Variants in ASTE1 observed in about 807,000 individuals in gnomAD.
ASTE1 encodes asteroid structure-specific endonuclease 1, also known as single-strand DNA endonuclease ASTE1.
In ASTE1, 49 loss-of-function variants were observed where a neutral mutation model predicts 45.8. The ratio of observed to expected loss-of-function variants is 1.07; its 90% CI spans 0.85 to 1.36. The LOEUF is 1.36. Among genes scored for constraint, ASTE1 ranks in the 40% most tolerant of loss-of-function variants. ASTE1 has a pLI of 0.00. For synonymous variants in ASTE1, 296 were observed against 303.9 expected (o/e 0.97, Z 0.27); for missense variants, 709 against 804.0 (o/e 0.88, Z 1.43).
rs775014772 is a variant in ASTE1 at position 131,014,337 on chromosome 3, G to A, written c.1760C>T (p.Ser587Leu). The change falls in exon 6 of 6, where the codon TCG becomes TTG. Residue 587 changes from serine to leucine, a missense_variant. Coordinates refer to ENST00000264992, the MANE Select transcript of ASTE1 (RefSeq NM_014065.4). The stretch of plus-strand genomic sequence containing the variant: ...GCTCAGGAGACTTTCTACAGAGGTC[G>A]ATGCTAGCAGTTGCTGGCATAGTCC... Reference protein sequence around the residue: ...VHGLCQQLLASTSVESLLSIC... With the variant: ...VHGLCQQLLALTSVESLLSIC... 2.2e-5 allele frequency: 35 copies of A among 1,612,254 alleles called. No individual in the cohort carries two copies. The South Asian group carries it at 3.5e-4, about 16-fold the overall frequency.
At chr3:131,019,418 C>T (rs1296338368) in intron 3 of ASTE1, among the ~76,000 whole-genome samples, 3 of 152,148 alleles carry the variant, frequency 2.0e-5, no homozygotes, top group African/African-American at 4.8e-5. Context: ...TGGAGTAACA[C>T]GCCATACTTT....
chr3:131,017,093 A>T (rs1212402860), intron 4 of ASTE1: 1 of 1,265,548 alleles, frequency 7.9e-7, no homozygotes, highest in East Asian at 5.6e-5. Flanking sequence ...CTTCTCTTGG[A>T]CTCAGGTAAA....
At chr3:131,016,799 A>G (rs773687927) in intron 4 of ASTE1, 60 of 370,042 alleles carry the variant, frequency 1.6e-4, no homozygotes, top group Non-Finnish European at 2.8e-4. Flanking sequence ...GGAGGAAGCT[A>G]AAGTATGACT....
rs546201275 is a variant in ASTE1 at position 131,021,036 on chromosome 3, A to G, written c.1303-2320T>C. ...ATCTAAATGTGAACAGCAAAAAAACATTTTCATGACCGTGGAGTAGGCAGT... is the reference window on the plus strand; with the variant it reads ...ATCTAAATGTGAACAGCAAAAAAACGTTTTCATGACCGTGGAGTAGGCAGT... On this transcript the variant is annotated intron_variant, in intron 3 of 5. Transcript: ENST00000264992. 5.6e-4 allele frequency among the ~76,000 whole-genome samples: 86 copies of G among 152,328 alleles called. No individual in the cohort carries two copies. In the Middle Eastern group the frequency reaches 0.014, roughly 24 times the overall value.
At chr3:131,022,209 AATT>A (rs1319529545) in intron 3 of ASTE1, among the ~76,000 whole-genome samples, 2 of 152,178 alleles carry the variant, frequency 1.3e-5, no homozygotes, top group African/African-American at 4.8e-5. Flanking sequence ...ATGTTTATGG[AATT>A]ATTATAAGAA....
At chr3:131,021,640 G>A (rs993703741) in intron 3 of ASTE1, among the ~76,000 whole-genome samples, 9 of 152,154 alleles carry the variant, frequency 5.9e-5, no homozygotes, top group African/African-American at 2.2e-4. Context: ...AATTTATCAT[G>A]CTGTACGATT....
rs2063911583 is a variant in ASTE1, at chr3:131,026,690, G to C, written c.-330C>G. The C allele has an allele frequency of 6.6e-6, 1 of 152,338 alleles. No individual in the cohort carries two copies. The highest frequency in any genetic ancestry group is 1.5e-5 in the Non-Finnish European group (1 of 68,162). 9.4% of individuals were successfully genotyped at this position (152,338 alleles called of 1,614,324 possible). A position where few individuals can be genotyped will look rare whatever the true frequency, so the allele number is the denominator to read the frequency against. The stretch of plus-strand genomic sequence containing the variant: ...ACTGAGCCAAGGAGCAGGTGTTCTC[G>C]GGCCCAGAGGCGCTAAGTAGCTAAA... On this transcript the variant is annotated 5_prime_UTR_variant, in exon 1 of 6. Coordinates refer to ENST00000264992, the MANE Select transcript of ASTE1 (RefSeq NM_014065.4).
At chr3:131,023,202 G>A (rs896371858) in intron 3 of ASTE1, among the ~76,000 whole-genome samples, 26 of 152,158 alleles carry the variant, frequency 1.7e-4, no homozygotes, top group African/African-American at 6.3e-4. Flanking sequence ...CTGGTGCCAC[G>A]TGTGGTCTGT....
At chr3:131,025,835 T>A (rs764974433) in intron 1 of ASTE1, among the ~76,000 whole-genome samples, 1 of 152,250 alleles carries the variant, frequency 6.6e-6, no homozygotes, top group Non-Finnish European at 1.5e-5. Context: ...TTCTTTTGTA[T>A]TGACAATCAG....
intron 4 of ASTE1, 105 bp downstream of exon 4, chr3:131,018,401 A>T (rs2063695210): frequency 1.8e-6 from 2 of 1,107,368 alleles, no homozygotes; most frequent in Non-Finnish European, 2.7e-6. Context: ...TGATACAATT[A>T]ATGGGAGTAA....
At chr3:131,014,504 T>C in intron 5 of ASTE1, 117 bp from the exon 6 acceptor site, 3 of 953,466 alleles carry the variant, frequency 3.1e-6, no homozygotes, top group Non-Finnish European at 4.5e-6. Context: ...TATTGCTCTA[T>C]AATATTATCG....
intron 4 of ASTE1, chr3:131,016,996 C>T: frequency 7.8e-7 from 1 of 1,289,330 alleles, no homozygotes; most frequent in Non-Finnish European, 1.0e-6. Flanking sequence ...CCACCTTTTA[C>T]CAACTAGCGA....
At chr3:131,020,445 A>G (rs1456280438) in intron 3 of ASTE1, among the ~76,000 whole-genome samples, 3 of 152,192 alleles carry the variant, frequency 2.0e-5, no homozygotes, top group Non-Finnish European at 4.4e-5. Flanking sequence ...CTTAAGAATG[A>G]TCCACTTTTG....
intron 3 of ASTE1, among the ~76,000 whole-genome samples, chr3:131,022,457 G>A (rs1216377630): frequency 6.6e-6 from 1 of 151,568 alleles, no homozygotes; most frequent in African/African-American, 2.4e-5. Flanking sequence ...TCAGCCTCTT[G>A]AGTAGCTGTA....
At chr3:131,018,906 G>C (rs1236447308) in intron 3 of ASTE1, among the ~76,000 whole-genome samples, 190 bp from the exon 4 acceptor site, 1 of 152,120 alleles carries the variant, frequency 6.6e-6, no homozygotes, top group African/African-American at 2.4e-5. Context: ...TATAAATATG[G>C]TTGGTTGAAT....
chr3:131,018,588 C>A lies in ASTE1; in HGVS notation c.1431G>T (p.Glu477Asp), dbSNP rs778047224. The change falls in exon 4 of 6, where the codon GAG becomes GAT. Residue 477 changes from glutamate to aspartate, a missense_variant. Glu to Asp is a conservative substitution (Grantham distance 45). Transcript: ENST00000264992. ...AVSCYWLQHT[E>D]TKAKLHHLQS... ...GTAGATGATGTAGCTTTGCTTTGGTCTCGGTGTGCTGCAACCAGTAGCAAC... is the reference window on the plus strand; with the variant it reads ...GTAGATGATGTAGCTTTGCTTTGGTATCGGTGTGCTGCAACCAGTAGCAAC... 4.8e-5 allele frequency: 78 copies of A among 1,613,916 alleles called. No individual in the cohort carries two copies. The highest frequency in any genetic ancestry group is 5.5e-5 in the Non-Finnish European group (65 of 1,180,028).
intron 3 of ASTE1, among the ~76,000 whole-genome samples, chr3:131,019,769 A>G (rs3773816): frequency 0.18 from 28,037 of 152,214 alleles, 2,700 homozygotes; most frequent in Middle Eastern, 0.22. Flanking sequence ...GACTAAAGAT[A>G]TTAACCTGAA....
intron 3 of ASTE1, among the ~76,000 whole-genome samples, chr3:131,020,627 C>CT (rs1227436412): frequency 5.9e-5 from 9 of 152,126 alleles, no homozygotes; most frequent in Non-Finnish European, 8.8e-5. Flanking sequence ...ATTACAAGAT[C>CT]TAAAAAACAA....
Position 131,025,130 on chromosome 3 carries a change from A to G in ASTE1, c.177T>C (p.Val59=). The G allele has an allele frequency of 6.2e-7, 1 of 1,614,168 alleles. No homozygotes were observed. Among genetic ancestry groups the G allele is most frequent in the Non-Finnish European group, 8.5e-7 (1 of 1,179,988 alleles). The stretch of plus-strand genomic sequence containing the variant: ...ACAGTGATTCAAAGAATTTTTGTAC[A>G]ACATCTGCAAAAGAATCATAGTCCC... ...YGGDYDSFAD[V]VQKFFESLFA... The change falls in exon 3 of 6, where the codon GTT becomes GTC. Residue 59 remains valine, a synonymous_variant. Coordinates refer to ENST00000264992, the MANE Select transcript of ASTE1 (RefSeq NM_014065.4).
Sources: gnomAD v4.1 joint callset for allele counts (sites outside exome capture counted in the v4.1 genomes callset) on GRCh38, gnomAD v4.1.1 for gene constraint, MANE v1.5 for transcripts, NCBI Gene and HGNC (gene_info 2026-07-23, HGNC 2026-07-21) for gene names.